SGIP1: variants seen among roughly 807,000 people sequenced by gnomAD.
SGIP1 encodes SH3GL interacting endocytic adaptor 1.
Under a neutral mutation model 107.5 loss-of-function variants are expected in SGIP1, and 38 were observed. That is an observed-to-expected ratio of 0.35 (90% CI 0.27 to 0.46). The LOEUF (loss-of-function observed/expected upper bound fraction) is 0.46, where lower values mean the gene tolerates loss of function less well. Ranked by LOEUF, SGIP1 falls within the 20% of genes least tolerant of loss-of-function variation. SGIP1 has a pLI of 1.00. For missense variants in SGIP1, 929 were observed against 1,019.5 expected (o/e 0.91, Z 1.21); for synonymous variants, 365 against 366.1 (o/e 1.00, Z 0.03).
intron 21 of SGIP1, 62 bp downstream of exon 21, chr1:66,733,942 A>C (rs907965109): frequency 2.0e-6 from 3 of 1,513,098 alleles, no homozygotes; most frequent in African/African-American, 1.4e-5. Context: ...TAAAGTACCT[A>C]CTATTGAATA....
At chr1:66,587,406 A>T (rs2062809770) in intron 1 of SGIP1, among the ~76,000 whole-genome samples, 1 of 150,454 alleles carries the variant, frequency 6.6e-6, no homozygotes. Flanking sequence ...CTGATTTGGT[A>T]ATTTCTATTG....
intron 2 of SGIP1, among the ~76,000 whole-genome samples, chr1:66,632,692 C>G (rs902698335): frequency 6.6e-6 from 1 of 152,094 alleles, no homozygotes; most frequent in South Asian, 2.1e-4. Flanking sequence ...GGTTTACTTG[C>G]CTCATGATAG....
chr1:66,734,746 T>C (rs1375621335), intron 21 of SGIP1, among the ~76,000 whole-genome samples: 1 of 152,094 alleles, frequency 6.6e-6, no homozygotes, highest in Non-Finnish European at 1.5e-5. Flanking sequence ...CCTCAGGTGA[T>C]CCGCCCGCAT....
chr1:66,741,429 T>C lies in SGIP1; in HGVS notation c.2457T>C (p.Phe819=), dbSNP rs777214397. ...GATTTTCACTCATCAAGAAAAGGTT[T>C]GCTGCAGGTAAATGAGTATCTTGAT... ...GYRFSLIKKR[F]AAGKYLADN The change falls in exon 24 of 25, where the codon TTT becomes TTC. Residue 819 remains phenylalanine, a synonymous_variant. Coordinates refer to ENST00000371037, the MANE Select transcript of SGIP1 (RefSeq NM_032291.4). 1 of 1,576,804 alleles carries C rather than the reference T, an allele frequency of 6.3e-7. No homozygotes were observed. Among genetic ancestry groups the C allele is most frequent in the Non-Finnish European group, 8.6e-7 (1 of 1,162,642 alleles).
chr1:66,710,407 G>C (rs1429670144), intron 18 of SGIP1, among the ~76,000 whole-genome samples: 1 of 152,044 alleles, frequency 6.6e-6, no homozygotes, highest in Non-Finnish European at 1.5e-5. Flanking sequence ...CCAAGTTATC[G>C]AGTTTTTACT....
At chr1:66,577,481 G>A (rs753868119) in intron 1 of SGIP1, among the ~76,000 whole-genome samples, 5 of 151,930 alleles carry the variant, frequency 3.3e-5, no homozygotes, top group African/African-American at 4.8e-5. Context: ...CATCCTTCCC[G>A]GCTTCTTATT....
At chr1:66,615,152 G>A (rs1035917007) in intron 1 of SGIP1, among the ~76,000 whole-genome samples, 4 of 150,776 alleles carry the variant, frequency 2.7e-5, no homozygotes, top group African/African-American at 4.9e-5. Flanking sequence ...GTTTTTTTCC[G>A]AAACGGAATT....
intron 1 of SGIP1, among the ~76,000 whole-genome samples, chr1:66,546,770 A>G (rs1011032313): frequency 5.3e-5 from 8 of 152,358 alleles, no homozygotes; most frequent in Middle Eastern, 3.4e-3. Flanking sequence ...GTGAAGAGAA[A>G]TTGATTTTAA....
chr1:66,598,020 G>A lies in SGIP1; in HGVS notation c.11-27827G>A, dbSNP rs75256687. Among the ~76,000 whole-genome samples the A allele has an allele frequency of 7.0e-3, 1,068 of 152,132 alleles. 19 individuals are homozygous for A. The highest frequency in any genetic ancestry group is 0.024 in the African/African-American group (997 of 41,508). ...GAAAGGGAACACAACTGGCCAGCAT[G>A]GAGAAAAATGAGTTCTCCTGGGCAA... On this transcript the variant is annotated intron_variant, in intron 1 of 24. Transcript: ENST00000371037.
In SGIP1 at chr1:66,682,048, A is replaced by C. The variant is rs759126100; in HGVS notation, c.994A>C (p.Lys332Gln). The change falls in exon 15 of 25, where the codon AAA (lysine) becomes CAA (glutamine). Residue 332 changes from lysine to glutamine, a missense_variant. Lys to Gln is a moderately conservative substitution (Grantham distance 53). Around this residue, in one of 2 missense-constraint regions of SGIP1, gnomAD observed 588 missense variants for 588.6 expected, o/e 1.00. Coordinates refer to ENST00000371037, the MANE Select transcript of SGIP1 (RefSeq NM_032291.4). ...HVTPELTPRE[K>Q]VVSPPATPDN... ...TACTCCGGAGTTGACTCCAAGGGAA[A>C]AAGTGGTGTCCCCACCAGCTACACC... 8 of 1,614,194 alleles carry C rather than the reference A, an allele frequency of 5.0e-6. No individual in the cohort carries two copies. The highest frequency in any genetic ancestry group is 1.1e-5 in the South Asian group (1 of 91,076).
chr1:66,577,063 A>C (rs1459104146), intron 1 of SGIP1, among the ~76,000 whole-genome samples: 2 of 152,302 alleles, frequency 1.3e-5, no homozygotes, highest in African/African-American at 2.4e-5. Flanking sequence ...ATTGGAACCC[A>C]GTGTCTTGAA....
chr1:66,684,374 G>T (rs1210883512), intron 15 of SGIP1, among the ~76,000 whole-genome samples: 1 of 152,202 alleles, frequency 6.6e-6, no homozygotes, highest in Non-Finnish European at 1.5e-5. Flanking sequence ...ATTCTAGAGG[G>T]TTACAGCATC....
intron 1 of SGIP1, among the ~76,000 whole-genome samples, chr1:66,549,182 CCTTCCTTCCTT>C (rs1229600131): frequency 3.3e-5 from 5 of 150,236 alleles, no homozygotes; most frequent in African/African-American, 1.2e-4. Flanking sequence ...TTCCTTCCTT[CCTTCCTTCCTT>C]CCTTCCCTTC....
chr1:66,574,785 G>T (rs2060831029), intron 1 of SGIP1, among the ~76,000 whole-genome samples: 1 of 152,130 alleles, frequency 6.6e-6, no homozygotes, highest in Non-Finnish European at 1.5e-5. Context: ...AGACATTGTA[G>T]TCTGTTGCAT....
At position 66,586,345 on chromosome 1, in the gene SGIP1, ACT is replaced by A. The variant is rs1312753954; in HGVS notation, c.11-39501_11-39500del. Among the ~76,000 whole-genome samples the A allele has an allele frequency of 3.3e-5, 5 of 152,242 alleles. No homozygotes were observed. The East Asian group carries it at 7.7e-4, about 23-fold the overall frequency. On this transcript the variant is annotated intron_variant, in intron 1 of 24. Transcript: ENST00000371037. ...AGGACACTTACTTACACTTAATATA[ACT>A]GATTAGAGTTTAACTATGGCAATTT...
intron 1 of SGIP1, among the ~76,000 whole-genome samples, chr1:66,578,136 G>A (rs1400143134): frequency 3.3e-5 from 5 of 152,190 alleles, no homozygotes; most frequent in Admixed American, 1.3e-4. Flanking sequence ...ATTATTGGGG[G>A]TAGAAAATAT....
At chr1:66,645,211 A>G (rs1318445084) in intron 7 of SGIP1, among the ~76,000 whole-genome samples, 1 of 152,208 alleles carries the variant, frequency 6.6e-6, no homozygotes, top group Non-Finnish European at 1.5e-5. Flanking sequence ...AAGTGAACAC[A>G]TTTATGTGAA....
chr1:66,606,056 T>C (rs1010096955), intron 1 of SGIP1, among the ~76,000 whole-genome samples: 2 of 152,170 alleles, frequency 1.3e-5, no homozygotes. Context: ...TTTCAAAATA[T>C]AGGAAGCATG....
At chr1:66,706,027 T>G (rs1328745914) in intron 18 of SGIP1, among the ~76,000 whole-genome samples, 1 of 152,080 alleles carries the variant, frequency 6.6e-6, no homozygotes, top group Non-Finnish European at 1.5e-5. Flanking sequence ...TCCCGGAACT[T>G]AGAGTAAAAT....
Sources: gnomAD v4.1 joint callset for allele counts (sites outside exome capture counted in the v4.1 genomes callset) on GRCh38, gnomAD v4.1.1 for gene constraint, gnomAD v4.1.1 regional missense constraint, MANE v1.5 for transcripts, NCBI Gene and HGNC (gene_info 2026-07-23, HGNC 2026-07-21) for gene names.